The following FAT3 variants were observed in gnomAD, a reference collection of about 807,000 sequenced individuals.
FAT3 encodes the protein FAT atypical cadherin 3, also known as protocadherin Fat 3.
Under a neutral mutation model 310.2 loss-of-function variants are expected in FAT3, and 95 were observed. The ratio of observed to expected loss-of-function variants is 0.31; its 90% CI spans 0.26 to 0.36. FAT3 has a LOEUF of 0.36. FAT3 is among the 10% of genes least tolerant of loss of function. The pLI is 1.00. For synonymous variants in FAT3, 2,314 were observed against 2,192.9 expected (o/e 1.06, Z -1.54); for missense variants, 5,408 against 5,715.6 (o/e 0.95, Z 1.74).
intron 3 of FAT3, among the ~76,000 whole-genome samples, chr11:92,541,435 A>G (rs1036975434): frequency 2.6e-5 from 4 of 152,168 alleles, no homozygotes; most frequent in Non-Finnish European, 5.9e-5. Flanking sequence ...CCTGTTTGAC[A>G]TTTGAACTGT....
chr11:92,774,243 G>T, intron 7 of FAT3, 63 bp downstream of exon 7: 1 of 1,472,784 alleles, frequency 6.8e-7, no homozygotes. Context: ...AGGGGTGCAA[G>T]CAATGAAAAA....
chr11:92,769,971 A>T (rs1796558726), intron 6 of FAT3, among the ~76,000 whole-genome samples: 1 of 152,172 alleles, frequency 6.6e-6, no homozygotes, highest in South Asian at 2.1e-4. Context: ...CTTCAACTAG[A>T]GCTTGGACAC....
intron 11 of FAT3, 33 bp from the exon 12 acceptor site, chr11:92,806,326 CTAA>C: frequency 6.4e-7 from 1 of 1,558,844 alleles, no homozygotes; most frequent in South Asian, 1.2e-5. Context: ...CCCACAAATA[CTAA>C]TGATTTTATT....
At chr11:92,582,605 T>C (rs899045028) in intron 3 of FAT3, among the ~76,000 whole-genome samples, 1 of 152,054 alleles carries the variant, frequency 6.6e-6, no homozygotes, top group Non-Finnish European at 1.5e-5. Flanking sequence ...TGGATAATTT[T>C]TCCAAAATTG....
intron 17 of FAT3, 118 bp from the exon 18 acceptor site, chr11:92,840,444 T>C (rs991034847): frequency 1.0e-6 from 1 of 961,452 alleles, no homozygotes; most frequent in Non-Finnish European, 1.5e-6. Flanking sequence ...CCCTGTTTTC[T>C]AGCTCAGCAC....
chr11:92,301,223 T>C (rs2134424793), intron 1 of FAT3, among the ~76,000 whole-genome samples: 1 of 152,246 alleles, frequency 6.6e-6, no homozygotes, highest in Non-Finnish European at 1.5e-5. Flanking sequence ...CCCAGTTGGT[T>C]TTTCTCTTCT....
Position 92,765,083 on chromosome 11 carries a change from A to G in FAT3, c.4189A>G (p.Ile1397Val), listed in dbSNP as rs755118099. Residue 1397 changes from isoleucine (I) to valine (V), a missense_variant, in exon 6 of 28, where the codon ATA becomes GTA. By Grantham distance (29) the Ile-to-Val change is conservative. Transcript: ENST00000525166. ...QPANTPLWFD[I>V]VGGNFDSAFD... ...AGCTAACACCCCTCTGTGGTTTGAC[A>G]TAGTTGGTAAGTTCGAGTCTTACAG... is the stretch of plus-strand genomic sequence containing the variant. 5 of 1,612,994 alleles carry G rather than the reference A, an allele frequency of 3.1e-6. No homozygotes were observed. In the African/African-American group the frequency reaches 5.3e-5, roughly 17 times the overall value.
chr11:92,716,161 G>T (rs963434468), intron 4 of FAT3, among the ~76,000 whole-genome samples: 14 of 152,142 alleles, frequency 9.2e-5, no homozygotes, highest in African/African-American at 3.1e-4. Flanking sequence ...GGTAGTGGTA[G>T]CAGTAAGATA....
At chr11:92,624,179 G>T (rs908977052) in intron 3 of FAT3, among the ~76,000 whole-genome samples, 10 of 152,164 alleles carry the variant, frequency 6.6e-5, no homozygotes, top group African/African-American at 2.4e-4. Flanking sequence ...ACTGGAGTCA[G>T]GGAAAGCTTC....
At chr11:92,724,334 C>T (rs1225371030) in intron 4 of FAT3, among the ~76,000 whole-genome samples, 2 of 152,144 alleles carry the variant, frequency 1.3e-5, no homozygotes, top group South Asian at 2.1e-4. Flanking sequence ...AACTATAAAA[C>T]CTCTTGAGGT....
chr11:92,642,187 G>A (rs1356595726), intron 3 of FAT3, among the ~76,000 whole-genome samples: 1 of 152,218 alleles, frequency 6.6e-6, no homozygotes, highest in African/African-American at 2.4e-5. Context: ...TAGAGGAAAA[G>A]TTTCTGCCAG....
rs112602722 is a variant in FAT3, at chr11:92,648,233, G to A, written c.3608-49151G>A. On this transcript the variant is annotated intron_variant, in intron 3 of 27. Coordinates refer to ENST00000525166, the MANE Select transcript of FAT3 (RefSeq NM_001367949.2). ...TTGCATTGCCATGTTTTAGTTTGGA[G>A]GAATGAGGCTTTCTGCAAAGAATGT... is the stretch of plus-strand genomic sequence containing the variant. 1.4e-3 allele frequency among the ~76,000 whole-genome samples: 216 copies of A among 152,282 alleles called. 2 individuals are homozygous for A. Among genetic ancestry groups the A allele is most frequent in the Middle Eastern group, 3.4e-3 (1 of 294 alleles).
chr11:92,627,591 G>T (rs1011389709), intron 3 of FAT3, among the ~76,000 whole-genome samples: 5 of 152,160 alleles, frequency 3.3e-5, no homozygotes, highest in Admixed American at 1.3e-4. Flanking sequence ...ATAAATAAAA[G>T]GATGAAGTCA....
intron 3 of FAT3, among the ~76,000 whole-genome samples, chr11:92,661,624 A>G (rs536239188): frequency 5.9e-5 from 9 of 152,050 alleles, no homozygotes; most frequent in Non-Finnish European, 1.0e-4. Context: ...ATGTTGACAC[A>G]TGCCCATTCA....
intron 1 of FAT3, among the ~76,000 whole-genome samples, chr11:92,321,271 C>A (rs1222199393): frequency 6.6e-6 from 1 of 151,956 alleles, no homozygotes; most frequent in Non-Finnish European, 1.5e-5. Flanking sequence ...CCCATCTCTA[C>A]TAAAAATACA....
chr11:92,461,728 A>G (rs1770972785), intron 2 of FAT3, among the ~76,000 whole-genome samples: 2 of 152,322 alleles, frequency 1.3e-5, no homozygotes, highest in East Asian at 1.9e-4. Flanking sequence ...GAAGAGGGCC[A>G]GAGTCAGAGG....
In FAT3 at chr11:92,805,187, G is replaced by C. The variant is rs1425871762; in HGVS notation, c.8931G>C (p.Leu2977=). 6 of 1,613,528 alleles carry C rather than the reference G, an allele frequency of 3.7e-6. No homozygotes were observed. In the Admixed American group the frequency reaches 1.0e-4, roughly 27 times the overall value. Reference sequence around the variant, plus strand: ...CTCGAGGAAGGTTTGCTCTGGGCCTGGTGCAAAGTGAGTGGAAGGTCTATG... The same window carrying C: ...CTCGAGGAAGGTTTGCTCTGGGCCTCGTGCAAAGTGAGTGGAAGGTCTATG... ...GNPRGRFALG[L]VQSEWKVYVK... The change falls in exon 11 of 28, where the codon CTG becomes CTC. Residue 2977 remains leucine (L), a synonymous_variant. Transcript: ENST00000525166.
At chr11:92,679,658 T>C (rs779307340) in intron 3 of FAT3, among the ~76,000 whole-genome samples, 12 of 151,722 alleles carry the variant, frequency 7.9e-5, no homozygotes, top group Non-Finnish European at 1.8e-4. Flanking sequence ...CAGGCTAACA[T>C]GGTGAAACCC....
intron 3 of FAT3, among the ~76,000 whole-genome samples, chr11:92,663,226 A>G (rs183440968): frequency 6.6e-6 from 1 of 152,298 alleles, no homozygotes. Flanking sequence ...AAATAAGAGC[A>G]AGTATGATGA....
Sources: allele counts gnomAD v4.1 joint callset (sites outside exome capture counted in the v4.1 genomes callset), GRCh38; gene constraint gnomAD v4.1.1; transcripts MANE v1.5; gene names NCBI Gene and HGNC (gene_info 2026-07-23, HGNC 2026-07-21).